Variants in BLTP1 observed in about 807,000 individuals in gnomAD.
BLTP1 encodes bridge-like lipid transfer protein family member 1.
the BLTP1 span, among the ~76,000 whole-genome samples, chr4:122,168,679 G>A: frequency 4.6e-5 from 7 of 151,780 alleles, no homozygotes; most frequent in African/African-American, 1.7e-4. Context: ...TCAAAGCTTT[G>A]AAAAATACGA....
chr4:122,271,032 A>T, the BLTP1 span: 3 of 1,600,286 alleles, frequency 1.9e-6, no homozygotes, highest in Non-Finnish European at 2.6e-6. Flanking sequence ...GGCCATGTGA[A>T]TCTTCCTCCA....
At chr4:122,331,476 T>C in the BLTP1 span, 5 of 1,611,894 alleles carry the variant, frequency 3.1e-6, no homozygotes, top group Non-Finnish European at 4.2e-6. Flanking sequence ...TTGAAATTGA[T>C]AGTGGAAAAT....
the BLTP1 span, chr4:122,298,783 C>T: frequency 1.3e-6 from 1 of 789,906 alleles, no homozygotes; most frequent in Admixed American, 6.3e-5. Context: ...TGAGTAAGTT[C>T]TACTTTTTGA....
chr4:122,222,961 A>C, the BLTP1 span: 1 of 948,696 alleles, frequency 1.1e-6, no homozygotes, highest in Non-Finnish European at 1.3e-6. Context: ...CCCAAGATCC[A>C]CATGTAATTT....
At chr4:122,344,870 T>G in the BLTP1 span, 3 of 984,756 alleles carry the variant, frequency 3.0e-6, no homozygotes, top group Admixed American at 1.2e-4. Context: ...GTTCTTCTAA[T>G]TGTAAATGCT....
the BLTP1 span, chr4:122,200,041 A>G: frequency 1.0e-6 from 1 of 974,594 alleles, no homozygotes; most frequent in Non-Finnish European, 1.2e-6. Context: ...TAAAATGGTT[A>G]ATATTCAGAG....
At chr4:122,324,129 T>C in the BLTP1 span, among the ~76,000 whole-genome samples, 6 of 151,990 alleles carry the variant, frequency 3.9e-5, no homozygotes, top group East Asian at 1.2e-3. Context: ...ATTCTTAATT[T>C]TAAAATCATT....
the BLTP1 span, among the ~76,000 whole-genome samples, chr4:122,216,279 A>G: frequency 1.3e-5 from 2 of 152,086 alleles, no homozygotes; most frequent in African/African-American, 4.8e-5. Context: ...TCTTTTGGGT[A>G]AATACCCAGT....
chr4:122,309,618 G>A, the BLTP1 span, among the ~76,000 whole-genome samples: 57 of 152,132 alleles, frequency 3.7e-4, no homozygotes, highest in African/African-American at 1.3e-3. Flanking sequence ...AACCATATTC[G>A]TGAAAAACTA....
the BLTP1 span, among the ~76,000 whole-genome samples, chr4:122,181,002 G>A: frequency 1.1e-4 from 16 of 152,150 alleles, no homozygotes; most frequent in African/African-American, 3.1e-4. Context: ...TAAGAAGAAA[G>A]CATGACTATT....
chr4:122,186,702 GTATGTAGGTCTACCTACAAAATTAT>G, the BLTP1 span, among the ~76,000 whole-genome samples: 4 of 151,976 alleles, frequency 2.6e-5, no homozygotes, highest in Admixed American at 6.6e-5. Context: ...ACATATCTGT[GTATGTAGGTCTACCTACAAAATTAT>G]TCTGGAACAG....
At chr4:122,360,073 T>A in the BLTP1 span, 1 of 981,142 alleles carries the variant, frequency 1.0e-6, no homozygotes, top group African/African-American at 1.7e-5. Context: ...GTTTTGTTAC[T>A]TAGTATGGCA....
At chr4:122,223,599 G>A in the BLTP1 span, among the ~76,000 whole-genome samples, 1 of 152,200 alleles carries the variant, frequency 6.6e-6, no homozygotes, top group African/African-American at 2.4e-5. Context: ...GGTGAGGTAG[G>A]CAGTGCTCTG....
the BLTP1 span, chr4:122,187,514 T>C: frequency 6.2e-7 from 1 of 1,610,242 alleles, no homozygotes; most frequent in East Asian, 2.2e-5. Flanking sequence ...GTGAGCACAG[T>C]AAGTAAATTC....
At chr4:122,304,700 G>A in the BLTP1 span, 177 of 1,501,662 alleles carry the variant, frequency 1.2e-4, no homozygotes, top group Non-Finnish European at 1.5e-4. Flanking sequence ...TTTAAAACAC[G>A]ACTATTTTAT....
the BLTP1 span, chr4:122,306,530 T>G: frequency 1.0e-6 from 1 of 982,026 alleles, no homozygotes. Context: ...TTGCCTATGC[T>G]TCTTAGAGGA....
the BLTP1 span, chr4:122,247,947 T>G: frequency 1.0e-6 from 1 of 985,080 alleles, no homozygotes; most frequent in South Asian, 4.7e-5. Context: ...AAGTTAGATT[T>G]GCTAATCGTA....
chr4:122,156,908 T>C, the BLTP1 span, among the ~76,000 whole-genome samples: 1 of 152,090 alleles, frequency 6.6e-6, no homozygotes. Context: ...TGATGATATA[T>C]TACAGATAAA....
chr4:122,349,365 T>C, the BLTP1 span: 3 of 1,569,236 alleles, frequency 1.9e-6, no homozygotes, highest in South Asian at 2.4e-5. The surrounding 1 kb of genome is among the most constrained non-coding windows in gnomAD (Gnocchi z 4.5). Context: ...GATATATATA[T>C]CAAAAAAAAT....
Sources: gnomAD v4.1 joint callset for allele counts (sites outside exome capture counted in the v4.1 genomes callset) on GRCh38, gnomAD v4.1.1 for gene constraint, Gnocchi (gnomAD v3.1) non-coding constraint, MANE v1.5 for transcripts, NCBI Gene and HGNC (gene_info 2026-07-23, HGNC 2026-07-21) for gene names.